CFAP96: variants seen among roughly 807,000 people sequenced by gnomAD.
CFAP96 encodes the protein cilia and flagella associated protein 96.
the CFAP96 span, chr4:185,429,322 A>T: frequency 3.3e-3 from 2,045 of 628,458 alleles, 19 homozygotes; most frequent in Non-Finnish European, 1.4e-3. Flanking sequence ...TTTTATTTTC[A>T]ATGTAAAGTA....
the CFAP96 span, among the ~76,000 whole-genome samples, chr4:185,412,625 G>C: frequency 7.9e-5 from 12 of 152,144 alleles, no homozygotes; most frequent in Admixed American, 5.2e-4. Context: ...GGAAGAACAG[G>C]AAAAAGTGAC....
At chr4:185,416,137 G>C in the CFAP96 span, 2 of 249,060 alleles carry the variant, frequency 8.0e-6, no homozygotes, top group Admixed American at 1.1e-4. Flanking sequence ...ACAGTAAAAA[G>C]ATTAAAAGCA....
the CFAP96 span, chr4:185,436,312 T>G: frequency 3.2e-6 from 5 of 1,551,090 alleles, no homozygotes; most frequent in East Asian, 4.9e-5. Flanking sequence ...AGGTAAACAG[T>G]TTTCACACTC....
At chr4:185,429,607 T>C in the CFAP96 span, 1 of 731,992 alleles carries the variant, frequency 1.4e-6, no homozygotes, top group African/African-American at 1.9e-5. Flanking sequence ...TTTAATGGTT[T>C]ATATTTTAAA....
chr4:185,438,847 C>T, the CFAP96 span, among the ~76,000 whole-genome samples: 1 of 152,208 alleles, frequency 6.6e-6, no homozygotes, highest in African/African-American at 2.4e-5. Flanking sequence ...GTCCGATGCC[C>T]TGTGAATTAG....
the CFAP96 span, among the ~76,000 whole-genome samples, chr4:185,438,464 T>G: frequency 6.6e-6 from 1 of 152,182 alleles, no homozygotes; most frequent in African/African-American, 2.4e-5. Context: ...CTCTACTTAA[T>G]TTTTTGAGCA....
chr4:185,409,972 C>T, the CFAP96 span, among the ~76,000 whole-genome samples: 3 of 152,042 alleles, frequency 2.0e-5, no homozygotes, highest in African/African-American at 7.2e-5. Flanking sequence ...GTGATGTCAG[C>T]CCAGTGATAC....
the CFAP96 span, among the ~76,000 whole-genome samples, chr4:185,448,121 A>G: frequency 6.6e-6 from 1 of 151,986 alleles, no homozygotes; most frequent in African/African-American, 2.4e-5. Context: ...CCCAGGTTCA[A>G]GCAACTCTCC....
chr4:185,431,332 C>A, the CFAP96 span, among the ~76,000 whole-genome samples: 1 of 152,090 alleles, frequency 6.6e-6, no homozygotes, highest in South Asian at 2.1e-4. Flanking sequence ...ATAGAGCTCT[C>A]CTAGATCTAA....
At chr4:185,443,342 A>ATATATATATATATATATATATAT in the CFAP96 span, among the ~76,000 whole-genome samples, 5 of 26,728 alleles carry the variant, frequency 1.9e-4, no homozygotes, top group African/African-American at 2.3e-4. Flanking sequence ...ATATATATAT[A>ATATATATATATATATATATATAT]TTTTTTTTTT....
chr4:185,414,185 G>A, the CFAP96 span, among the ~76,000 whole-genome samples: 1 of 152,058 alleles, frequency 6.6e-6, no homozygotes, highest in African/African-American at 2.4e-5. Flanking sequence ...AATACATCCA[G>A]GCTAAAGACT....
At chr4:185,422,075 T>G in the CFAP96 span, among the ~76,000 whole-genome samples, 1 of 152,238 alleles carries the variant, frequency 6.6e-6, no homozygotes, top group Non-Finnish European at 1.5e-5. Context: ...CTGTTGATTT[T>G]TCTTCCATAG....
At chr4:185,436,712 A>AAATAATAATAATAATAATAATAAT in the CFAP96 span, among the ~76,000 whole-genome samples, 2 of 144,128 alleles carry the variant, frequency 1.4e-5, no homozygotes, top group African/African-American at 2.5e-5. Flanking sequence ...TCCGTCTCAA[A>AAATAATAATAATAATAATAATAAT]AATAATAATA....
chr4:185,424,397 G>T, the CFAP96 span, among the ~76,000 whole-genome samples: 5 of 152,084 alleles, frequency 3.3e-5, no homozygotes, highest in African/African-American at 1.2e-4. Flanking sequence ...TATTAAATAG[G>T]TACCAATACA....
chr4:185,422,567 GAACA>G, the CFAP96 span: 1 of 1,586,862 alleles, frequency 6.3e-7, no homozygotes, highest in Non-Finnish European at 8.6e-7. Context: ...AAATCACCTA[GAACA>G]AATAAAGATA....
the CFAP96 span, among the ~76,000 whole-genome samples, chr4:185,423,539 C>T: frequency 6.9e-6 from 1 of 144,636 alleles, no homozygotes; most frequent in African/African-American, 2.5e-5. Flanking sequence ...TGGATATTAA[C>T]CTAACTGCCA....
chr4:185,424,548 A>C, the CFAP96 span, among the ~76,000 whole-genome samples: 1 of 152,204 alleles, frequency 6.6e-6, no homozygotes, highest in Non-Finnish European at 1.5e-5. Context: ...GGAAACAATC[A>C]AGAAAGTTCA....
chr4:185,420,847 T>C, the CFAP96 span, among the ~76,000 whole-genome samples: 1 of 152,338 alleles, frequency 6.6e-6, no homozygotes, highest in South Asian at 2.1e-4. Flanking sequence ...GAAGACAAGT[T>C]CAAATATATT....
chr4:185,414,510 C>T, the CFAP96 span, among the ~76,000 whole-genome samples: 1 of 152,192 alleles, frequency 6.6e-6, no homozygotes, highest in Admixed American at 6.5e-5. Flanking sequence ...ATTGCTTCTA[C>T]AAACCAAGTC....
Sources: allele counts gnomAD v4.1 joint callset (sites outside exome capture counted in the v4.1 genomes callset), GRCh38; gene constraint gnomAD v4.1.1; transcripts MANE v1.5; gene names NCBI Gene and HGNC (gene_info 2026-07-23, HGNC 2026-07-21).